Variants in KLHL1 observed in about 807,000 individuals in gnomAD.
KLHL1 encodes the protein kelch like family member 1.
KLHL1 carries 47 observed loss-of-function variants against 77.7 expected under a neutral mutation model. The ratio of observed to expected loss-of-function variants is 0.60; its 90% CI spans 0.48 to 0.77. KLHL1 has a LOEUF of 0.77. Ranked by LOEUF, KLHL1 falls within the 30% of genes least tolerant of loss-of-function variation. The probability of loss-of-function intolerance (pLI) is 0.00; values close to 1 mark genes in which losing one functional copy is unlikely to be tolerated. For missense variants in KLHL1, 925 were observed against 910.8 expected, an observed-to-expected ratio of 1.02 and a Z score of -0.20; for synonymous variants, 360 against 325.2, an observed-to-expected ratio of 1.11 and a Z score of -1.15.
chr13:69,764,840 AGG>A (rs1209313416), intron 7 of KLHL1, among the ~76,000 whole-genome samples: 47 of 149,454 alleles, frequency 3.1e-4, no homozygotes, highest in African/African-American at 1.1e-3. Flanking sequence ...TATACCCTAG[AGG>A]GTGCATAATG....
At chr13:69,745,336 A>T (rs1327336544) in intron 7 of KLHL1, among the ~76,000 whole-genome samples, 1 of 151,958 alleles carries the variant, frequency 6.6e-6, no homozygotes, top group Non-Finnish European at 1.5e-5. Context: ...ATCAATTTGT[A>T]GTAGTTCTTG....
At chr13:70,025,310 T>G (rs978901814) in intron 1 of KLHL1, among the ~76,000 whole-genome samples, 30 of 152,192 alleles carry the variant, frequency 2.0e-4, no homozygotes, top group African/African-American at 6.5e-4. Flanking sequence ...TAGGCTGTAA[T>G]TCTCAGTGGT....
At chr13:69,958,358 T>C (rs1193054201) in intron 3 of KLHL1, among the ~76,000 whole-genome samples, 1 of 151,826 alleles carries the variant, frequency 6.6e-6, no homozygotes, top group African/African-American at 2.4e-5. Flanking sequence ...AGGTAACAAA[T>C]GTTGGATGAG....
chr13:69,773,155 TATATTAA>T lies in KLHL1; in HGVS notation c.1639+23576_1639+23582del, dbSNP rs1593815084. 3.9e-5 allele frequency among the ~76,000 whole-genome samples: 6 copies of T among 152,142 alleles called. No individual in the cohort carries two copies. In the East Asian group the frequency reaches 1.2e-3, roughly 29 times the overall value. ...TATTTTTGTACATGCATAATAGATA[TATATTAA>T]ATTATTTATTTTTCTTAAACTAAAA... On this transcript the variant is annotated intron_variant, in intron 7 of 10. Transcript: ENST00000377844.
At chr13:69,955,352 C>A (rs1246801504) in intron 3 of KLHL1, among the ~76,000 whole-genome samples, 1 of 151,270 alleles carries the variant, frequency 6.6e-6, no homozygotes, top group Non-Finnish European at 1.5e-5. Context: ...GGTACAAAGA[C>A]TTTAATTAAC....
At chr13:69,892,433 A>C (rs1431612924) in intron 4 of KLHL1, among the ~76,000 whole-genome samples, 1 of 152,198 alleles carries the variant, frequency 6.6e-6, no homozygotes, top group Non-Finnish European at 1.5e-5. Context: ...CTTACTAGAA[A>C]AAGAAAGTTG....
chr13:70,099,807 G>T (rs951621962), intron 1 of KLHL1, among the ~76,000 whole-genome samples: 2 of 151,642 alleles, frequency 1.3e-5, no homozygotes, highest in Admixed American at 1.3e-4. Flanking sequence ...TTAAACTAAG[G>T]TTTAATTAAA....
intron 6 of KLHL1, among the ~76,000 whole-genome samples, chr13:69,818,912 C>T (rs1878230936): frequency 6.6e-6 from 1 of 152,130 alleles, no homozygotes; most frequent in African/African-American, 2.4e-5. Flanking sequence ...TATTGCTTTT[C>T]TTCAGAAAAA....
chr13:69,765,651 A>G (rs1022757553), intron 7 of KLHL1, among the ~76,000 whole-genome samples: 6 of 152,212 alleles, frequency 3.9e-5, no homozygotes, highest in African/African-American at 1.4e-4. Context: ...AGCTGGCTAT[A>G]TAGCCATACA....
rs559134675 is a variant in KLHL1 at position 69,921,793 on chromosome 13, A to G, written c.1014+18247T>C. On this transcript the variant is annotated intron_variant, in intron 4 of 10. Coordinates refer to ENST00000377844, the MANE Select transcript of KLHL1 (RefSeq NM_020866.3). ...TGAGAATTCAGAATAAATAATATAC[A>G]AAAGATGTAGTCAGTTCCGCATAGA... 3.3e-5 allele frequency among the ~76,000 whole-genome samples: 5 copies of G among 152,336 alleles called. No individual in the cohort carries two copies. In the South Asian group the frequency reaches 1.0e-3, roughly 32 times the overall value.
At chr13:69,726,917 A>T (rs1247632486) in intron 8 of KLHL1, among the ~76,000 whole-genome samples, 6 of 152,226 alleles carry the variant, frequency 3.9e-5, no homozygotes, top group East Asian at 3.9e-4. Flanking sequence ...GAAATTTTTT[A>T]AAAAATGAAT....
intron 7 of KLHL1, among the ~76,000 whole-genome samples, chr13:69,780,711 T>TATATATATATATATACAC (rs1566243654): frequency 2.5e-5 from 1 of 40,016 alleles, no homozygotes; most frequent in Non-Finnish European, 4.6e-5. Context: ...TGTATATATA[T>TATATATATATATATACAC]ATATGTATAT....
At chr13:70,084,209 T>C (rs1813382) in intron 1 of KLHL1, among the ~76,000 whole-genome samples, 46,420 of 151,908 alleles carry the variant, frequency 0.31, 7,709 homozygotes, top group Non-Finnish European at 0.38. Flanking sequence ...ACACAGTAAA[T>C]TAATCTGTTG....
chr13:70,094,682 G>A (rs777453998), intron 1 of KLHL1, among the ~76,000 whole-genome samples: 8 of 151,994 alleles, frequency 5.3e-5, no homozygotes, highest in Non-Finnish European at 1.0e-4. Flanking sequence ...AGAAGATTAC[G>A]GAACTTCAAT....
intron 4 of KLHL1, among the ~76,000 whole-genome samples, chr13:69,918,688 A>C (rs1385281134): frequency 6.6e-6 from 1 of 152,144 alleles, no homozygotes; most frequent in Non-Finnish European, 1.5e-5. Flanking sequence ...GGTCAGGTTG[A>C]ACTTAGTTTC....
At chr13:70,084,622 C>CTGTTTTTTTTT (rs1887481735) in intron 1 of KLHL1, among the ~76,000 whole-genome samples, 1 of 14,956 alleles carries the variant, frequency 6.7e-5, no homozygotes, top group African/African-American at 3.4e-4. Context: ...CCACGCCAGG[C>CTGTTTTTTTTT]TTTTTTTTTT....
At chr13:69,818,012 G>C (rs1593858565) in intron 6 of KLHL1, among the ~76,000 whole-genome samples, 1 of 152,114 alleles carries the variant, frequency 6.6e-6, no homozygotes, top group East Asian at 1.9e-4. Flanking sequence ...CCTCAGAAGA[G>C]GCCCCAGAAA....
chr13:70,054,636 C>T (rs1886701255), intron 1 of KLHL1, among the ~76,000 whole-genome samples: 1 of 151,422 alleles, frequency 6.6e-6, no homozygotes, highest in Non-Finnish European at 1.5e-5. Context: ...TTTAAAATAG[C>T]TATTTTGATA....
chr13:69,742,053 C>T (rs1337371743), intron 7 of KLHL1, among the ~76,000 whole-genome samples: 1 of 152,112 alleles, frequency 6.6e-6, no homozygotes, highest in Non-Finnish European at 1.5e-5. Context: ...GAGTTGAGTT[C>T]AGTCACAGTT....
Sources: gnomAD v4.1 joint callset for allele counts (sites outside exome capture counted in the v4.1 genomes callset) on GRCh38, gnomAD v4.1.1 for gene constraint, MANE v1.5 for transcripts, NCBI Gene and HGNC (gene_info 2026-07-23, HGNC 2026-07-21) for gene names.